The following GLRA2 variants were observed in gnomAD, a reference collection of about 807,000 sequenced individuals.
GLRA2 encodes the protein glycine receptor alpha 2.
In GLRA2, 11 loss-of-function variants were observed where a neutral mutation model predicts 31.6. The observed-to-expected ratio is 0.35, with a 90% CI of 0.22 to 0.58. The LOEUF (loss-of-function observed/expected upper bound fraction) is 0.58, where lower values mean the gene tolerates loss of function less well. Ranked by LOEUF, GLRA2 falls within the 20% of genes least tolerant of loss-of-function variation. GLRA2 has a pLI of 0.84. For synonymous variants in GLRA2, 132 were observed against 134.0 expected, an observed-to-expected ratio of 0.99 and a Z score of 0.10; for missense variants, 212 against 351.8, an observed-to-expected ratio of 0.60 and a Z score of 3.18.
At chrX:14,464,450 A>T in the GLRA2 span, among the ~76,000 whole-genome samples, 1 of 112,085 alleles carries the variant, frequency 8.9e-6, no homozygotes. Flanking sequence ...CCTTTCCCCA[A>T]TGAATATTCT....
chrX:14,557,403 C>T (rs1303917449), intron 2 of GLRA2, among the ~76,000 whole-genome samples: 1 of 111,548 alleles, frequency 9.0e-6, no homozygotes, highest in South Asian at 3.7e-4. Context: ...GCATAAGCCA[C>T]TGTGCCCGGC....
chrX:14,632,410 T>C (rs1569513641), intron 7 of GLRA2, among the ~76,000 whole-genome samples: 1 of 111,510 alleles, frequency 9.0e-6, no homozygotes, highest in East Asian at 2.8e-4. Context: ...ACAACTAGCA[T>C]TAGCTTGTAA....
At chrX:14,474,438 A>G in the GLRA2 span, among the ~76,000 whole-genome samples, 6 of 111,611 alleles carry the variant, frequency 5.4e-5, no homozygotes, top group Non-Finnish European at 9.4e-5. Flanking sequence ...CACTGACTGT[A>G]TCTTATCACT....
chrX:14,616,103 C>T (rs1226151193), intron 7 of GLRA2, among the ~76,000 whole-genome samples: 1 of 111,738 alleles, frequency 8.9e-6, no homozygotes, highest in Non-Finnish European at 1.9e-5. Context: ...CTTTCCCACC[C>T]TCAGAAAAGT....
At chrX:14,699,076 G>A (rs886490289) in intron 8 of GLRA2, among the ~76,000 whole-genome samples, 2 of 111,902 alleles carry the variant, frequency 1.8e-5, no homozygotes, top group African/African-American at 6.5e-5. Flanking sequence ...AAACAATCAC[G>A]CCCAGATCTT....
At chrX:14,728,025 T>C (rs2036801866) in intron 8 of GLRA2, among the ~76,000 whole-genome samples, 1 of 112,346 alleles carries the variant, frequency 8.9e-6, no homozygotes, top group African/African-American at 3.2e-5. Flanking sequence ...CCAACTTGTG[T>C]AGGATAATCC....
intron 7 of GLRA2, among the ~76,000 whole-genome samples, chrX:14,682,514 A>T (rs997307639): frequency 3.6e-5 from 4 of 111,534 alleles, no homozygotes; most frequent in African/African-American, 1.3e-4. Flanking sequence ...GCAAACATTT[A>T]TAAGGACTTA....
chrX:14,465,076 G>A, the GLRA2 span, among the ~76,000 whole-genome samples: 2 of 112,160 alleles, frequency 1.8e-5, no homozygotes, highest in East Asian at 5.6e-4. Context: ...TACATTGAAT[G>A]TGTAGATTGC....
At chrX:14,649,531 G>A (rs2090867494) in intron 7 of GLRA2, among the ~76,000 whole-genome samples, 1 of 111,728 alleles carries the variant, frequency 9.0e-6, no homozygotes, top group African/African-American at 3.3e-5. Context: ...ATGGCTTTAT[G>A]TTCTGACAAT....
At chrX:14,473,716 G>A in the GLRA2 span, among the ~76,000 whole-genome samples, 1 of 111,976 alleles carries the variant, frequency 8.9e-6, no homozygotes, top group Non-Finnish European at 1.9e-5. Flanking sequence ...GCCTGCTCAG[G>A]CTTCATTTCT....
the GLRA2 span, among the ~76,000 whole-genome samples, chrX:14,474,715 GGCTGGGATGGCTGGGA>G: frequency 9.9e-6 from 1 of 101,050 alleles, no homozygotes; most frequent in Non-Finnish European, 2.0e-5. Flanking sequence ...TGGCTGGGAT[GGCTGGGATGGCTGGGA>G]TGGCTGGGAT....
At chrX:14,728,755 G>A (rs1441930988) in intron 8 of GLRA2, among the ~76,000 whole-genome samples, 1 of 112,152 alleles carries the variant, frequency 8.9e-6, no homozygotes, top group Non-Finnish European at 1.9e-5. Context: ...AAGGGAGGTG[G>A]CACCTGGGTA....
intron 8 of GLRA2, among the ~76,000 whole-genome samples, chrX:14,703,708 G>A (rs985405081): frequency 3.2e-4 from 36 of 111,756 alleles, no homozygotes; most frequent in African/African-American, 1.1e-3. Context: ...GAAGTACCAG[G>A]AGGTGAATGC....
At chrX:14,559,396 T>C (rs2147038970) in intron 2 of GLRA2, among the ~76,000 whole-genome samples, 1 of 103,001 alleles carries the variant, frequency 9.7e-6, no homozygotes, top group South Asian at 4.6e-4. Flanking sequence ...ACAGTGGCAG[T>C]GGGTTAGATT....
the GLRA2 span, among the ~76,000 whole-genome samples, chrX:14,478,242 T>C: frequency 2.7e-5 from 3 of 111,321 alleles, no homozygotes; most frequent in Admixed American, 9.6e-5. Context: ...CATGTTATTA[T>C]ATCTTAATAA....
At chrX:14,729,613 A>G (rs2091967666) in intron 8 of GLRA2, among the ~76,000 whole-genome samples, 1 of 111,902 alleles carries the variant, frequency 8.9e-6, no homozygotes, top group South Asian at 3.7e-4. Flanking sequence ...TTATTAATGA[A>G]TATTTAATCT....
At chrX:14,493,761 A>G in the GLRA2 span, among the ~76,000 whole-genome samples, 1 of 101,299 alleles carries the variant, frequency 9.9e-6, no homozygotes, top group Admixed American at 1.1e-4. Context: ...ATATGTATAC[A>G]TATGTATACA....
chrX:14,586,235 C>T (rs2090079303), intron 4 of GLRA2, among the ~76,000 whole-genome samples: 1 of 111,757 alleles, frequency 8.9e-6, no homozygotes, highest in South Asian at 3.7e-4. Flanking sequence ...GGTACCTTGA[C>T]TAAAATTCAA....
chrX:14,682,279 T>C (rs770953584), intron 7 of GLRA2, among the ~76,000 whole-genome samples: 1 of 110,702 alleles, frequency 9.0e-6, no homozygotes, highest in Non-Finnish European at 1.9e-5. Flanking sequence ...ATAATATGTT[T>C]AAAAGACTGG....
Sources: allele counts gnomAD v4.1 joint callset (sites outside exome capture counted in the v4.1 genomes callset), GRCh38; gene constraint gnomAD v4.1.1; transcripts MANE v1.5; gene names NCBI Gene and HGNC (gene_info 2026-07-23, HGNC 2026-07-21).